Variants in RABGAP1L observed in about 807,000 individuals in gnomAD.
The protein encoded by RABGAP1L is rab GTPase-activating protein 1-like.
Under a neutral mutation model 137.7 loss-of-function variants are expected in RABGAP1L, and 63 were observed. That is an observed-to-expected ratio of 0.46 (90% CI 0.37 to 0.56). The LOEUF (loss-of-function observed/expected upper bound fraction) is 0.56, where lower values mean the gene tolerates loss of function less well. Among genes scored for constraint, RABGAP1L ranks in the 20% least tolerant of loss-of-function variants. The probability of loss-of-function intolerance (pLI) is 0.00; values close to 1 mark genes in which losing one functional copy is unlikely to be tolerated. For synonymous variants in RABGAP1L, 431 were observed against 433.7 expected (o/e 0.99, Z 0.08); for missense variants, 1,095 against 1,244.0 (o/e 0.88, Z 1.80).
chr1:174,385,840 G>A (rs113785965), intron 12 of RABGAP1L, among the ~76,000 whole-genome samples: 67 of 152,342 alleles, frequency 4.4e-4, no homozygotes, highest in Admixed American at 1.2e-3. Flanking sequence ...GGAGAGGCAG[G>A]AATGAAAGCC....
intron 4 of RABGAP1L, 56 bp from the exon 5 acceptor site, chr1:174,241,427 T>C (rs1671817628): frequency 8.1e-7 from 1 of 1,234,972 alleles, no homozygotes; most frequent in Non-Finnish European, 1.1e-6. Context: ...ACTGGAAATA[T>C]GTCTTTGTTC....
chr1:174,828,727 T>C (rs973456711), intron 19 of RABGAP1L, among the ~76,000 whole-genome samples: 1 of 148,330 alleles, frequency 6.7e-6, no homozygotes, highest in African/African-American at 2.5e-5. Flanking sequence ...CAAACTCCTA[T>C]TTACCCTTTA....
intron 19 of RABGAP1L, among the ~76,000 whole-genome samples, chr1:174,943,159 A>G (rs892646532): frequency 1.3e-5 from 2 of 152,148 alleles, no homozygotes; most frequent in East Asian, 3.8e-4. Flanking sequence ...TCCCTTAAAC[A>G]TGCATCCTTT....
intron 13 of RABGAP1L, among the ~76,000 whole-genome samples, chr1:174,559,459 T>C (rs573073518): frequency 6.6e-6 from 1 of 152,346 alleles, no homozygotes; most frequent in South Asian, 2.1e-4. Context: ...AACCTTTTTA[T>C]GTTCTAGACA....
At chr1:174,492,950 G>C (rs1660404187) in intron 13 of RABGAP1L, among the ~76,000 whole-genome samples, 1 of 151,612 alleles carries the variant, frequency 6.6e-6, no homozygotes, top group African/African-American at 2.4e-5. Context: ...TTAATACATT[G>C]CAGCATTATT....
At chr1:174,894,946 G>A (rs1341014447) in intron 19 of RABGAP1L, among the ~76,000 whole-genome samples, 4 of 151,958 alleles carry the variant, frequency 2.6e-5, no homozygotes, top group East Asian at 1.9e-4. Flanking sequence ...TAGTAGAGAC[G>A]AGATTTCACC....
At chr1:174,447,525 T>G (rs1178365730) in intron 13 of RABGAP1L, among the ~76,000 whole-genome samples, 1 of 152,192 alleles carries the variant, frequency 6.6e-6, no homozygotes, top group African/African-American at 2.4e-5. Context: ...GAACTTTTTC[T>G]TAGCTTTTCA....
At chr1:174,365,872 G>T (rs1423237189) in intron 11 of RABGAP1L, among the ~76,000 whole-genome samples, 1 of 152,176 alleles carries the variant, frequency 6.6e-6, no homozygotes, top group African/African-American at 2.4e-5. Flanking sequence ...AAAATTTGGT[G>T]TTCCAGGGAG....
At chr1:174,565,819 T>C (rs1318472336) in intron 13 of RABGAP1L, among the ~76,000 whole-genome samples, 2 of 152,292 alleles carry the variant, frequency 1.3e-5, no homozygotes, top group South Asian at 2.1e-4. Context: ...GTTAAATTTC[T>C]TTACAATTCA....
At chr1:174,878,714 A>G (rs1653578333) in intron 19 of RABGAP1L, among the ~76,000 whole-genome samples, 1 of 152,124 alleles carries the variant, frequency 6.6e-6, no homozygotes. Context: ...ATTACAAAAA[A>G]TAAAAATAAA....
chr1:174,426,578 A>G (rs1339278451), intron 13 of RABGAP1L, among the ~76,000 whole-genome samples: 2 of 152,208 alleles, frequency 1.3e-5, no homozygotes, highest in East Asian at 1.9e-4. Flanking sequence ...ATATATAATG[A>G]AAGAAGAAAA....
chr1:174,645,962 T>C (rs892122077), intron 14 of RABGAP1L, among the ~76,000 whole-genome samples: 11 of 152,218 alleles, frequency 7.2e-5, no homozygotes, highest in Non-Finnish European at 1.3e-4. Context: ...TGACCAATTA[T>C]AATGAGCTTT....
At chr1:174,622,119 G>T (rs1044332405) in intron 13 of RABGAP1L, among the ~76,000 whole-genome samples, 2 of 152,134 alleles carry the variant, frequency 1.3e-5, no homozygotes, top group African/African-American at 4.8e-5. Context: ...ATCATCACTG[G>T]CCATCAGAGA....
chr1:174,427,512 A>T (rs1456527705), intron 13 of RABGAP1L, among the ~76,000 whole-genome samples: 1 of 152,018 alleles, frequency 6.6e-6, no homozygotes. Flanking sequence ...ATGCTACCTA[A>T]TCACTTTAGC....
chr1:174,800,390 A>G, intron 18 of RABGAP1L: 3 of 1,550,662 alleles, frequency 1.9e-6, no homozygotes, highest in Middle Eastern at 1.7e-4. Flanking sequence ...TCCTGTCAAA[A>G]AGTCCCAGGA....
chr1:174,726,475 G>C (rs1681992614), intron 17 of RABGAP1L, among the ~76,000 whole-genome samples: 1 of 151,042 alleles, frequency 6.6e-6, no homozygotes, highest in African/African-American at 2.4e-5. Flanking sequence ...TTTTGTTTTT[G>C]TTATCAGCAA....
intron 13 of RABGAP1L, chr1:174,547,721 A>G: frequency 1.2e-6 from 1 of 866,504 alleles, no homozygotes; most frequent in Non-Finnish European, 1.7e-6. Context: ...TGGGGAATTT[A>G]TCTGCAAAGT....
chr1:174,383,653 C>CCCTGCT (rs1686435749), intron 12 of RABGAP1L, among the ~76,000 whole-genome samples: 1 of 151,956 alleles, frequency 6.6e-6, no homozygotes, highest in Admixed American at 6.6e-5. Flanking sequence ...TCGGCTCGCG[C>CCCTGCT]ACGGTGCGCG....
chr1:174,312,796 G>C (rs1309494815), intron 11 of RABGAP1L, among the ~76,000 whole-genome samples: 3 of 152,130 alleles, frequency 2.0e-5, no homozygotes, highest in Non-Finnish European at 4.4e-5. Flanking sequence ...GAGGGGATTA[G>C]TTTCATCCTT....
Sources: allele counts gnomAD v4.1 joint callset (sites outside exome capture counted in the v4.1 genomes callset), GRCh38; gene constraint gnomAD v4.1.1; transcripts MANE v1.5; gene names NCBI Gene and HGNC (gene_info 2026-07-23, HGNC 2026-07-21).